MRTFB: variants seen among roughly 807,000 people sequenced by gnomAD.
The protein encoded by MRTFB is myocardin related transcription factor B, also known as myocardin-related transcription factor B.
A neutral mutation model predicts 104.2 loss-of-function variants in MRTFB; 29 were observed. The observed-to-expected ratio is 0.28, with a 90% confidence interval of 0.21 to 0.38. The LOEUF is 0.38. MRTFB is among the 10% of genes least tolerant of loss of function. The probability of loss-of-function intolerance (pLI) is 1.00; values close to 1 mark genes in which losing one functional copy is unlikely to be tolerated. For synonymous variants in MRTFB, 535 were observed against 519.5 expected, an observed-to-expected ratio of 1.03 and a Z score of -0.41; for missense variants, 1,270 against 1,341.6, an observed-to-expected ratio of 0.95 and a Z score of 0.83.
intron 3 of MRTFB, chr16:14,141,457 C>G (rs1464273982): frequency 6.6e-6 from 1 of 152,214 alleles, no homozygotes; most frequent in Non-Finnish European, 1.5e-5. Flanking sequence ...TGCAAACACT[C>G]TAAGCATGCA....
chr16:14,011,387 T>C, the MRTFB span, among the ~76,000 whole-genome samples: 1 of 152,072 alleles, frequency 6.6e-6, no homozygotes, highest in South Asian at 2.1e-4. Flanking sequence ...GGAGGATGAA[T>C]TGAGAGGAGT....
At chr16:14,072,197 C>T (rs1195512405) in intron 1 of MRTFB, among the ~76,000 whole-genome samples, 2 of 152,184 alleles carry the variant, frequency 1.3e-5, no homozygotes, top group Admixed American at 6.5e-5. Context: ...GAATCAAGGT[C>T]CCTTCTTCCC....
At chr16:13,995,023 C>CT in the MRTFB span, among the ~76,000 whole-genome samples, 21,177 of 148,938 alleles carry the variant, frequency 0.14, 1,627 homozygotes, top group Middle Eastern at 0.26. Flanking sequence ...TATTTATTTA[C>CT]TTTTTTTTTT....
chr16:14,110,577 C>T (rs1053199049), intron 2 of MRTFB, among the ~76,000 whole-genome samples: 1 of 152,160 alleles, frequency 6.6e-6, no homozygotes, highest in Non-Finnish European at 1.5e-5. Flanking sequence ...ATTCCAGGCT[C>T]TCTACCAGTA....
chr16:14,071,424 C>G (rs1310186918), intron 1 of MRTFB, 59 bp downstream of exon 1: 1 of 151,394 alleles, frequency 6.6e-6, no homozygotes, highest in Non-Finnish European at 1.5e-5. Context: ...CGGCCGAGAC[C>G]GAGGGCTGGG....
intron 2 of MRTFB, among the ~76,000 whole-genome samples, chr16:14,128,852 G>A (rs1258779765): frequency 6.6e-6 from 1 of 152,060 alleles, no homozygotes; most frequent in African/African-American, 2.4e-5. Flanking sequence ...TTTGGCATAA[G>A]TTCTAGGTTT....
chr16:14,246,630 G>T lies in MRTFB; in HGVS notation c.1370G>T (p.Ser457Ile). 6.2e-7 allele frequency: 1 copy of T among 1,614,150 alleles called. No homozygotes were observed. The highest frequency in any genetic ancestry group is 8.5e-7 in the Non-Finnish European group (1 of 1,180,026). Residue 457 changes from serine to isoleucine, a missense_variant, in exon 12 of 17, where the codon AGT (serine) becomes ATT (isoleucine). Physicochemically the swap from Ser to Ile is moderately radical, Grantham distance 142 (BLOSUM62 -2). Transcript: ENST00000571589. ...GTGTCATCATCAGCCATTGTCACCA[G>T]TAACCCAGAAGTCACTGTGGCCTTG... ...VAVSSSAIVT[S>I]NPEVTVALPV...
intron 1 of MRTFB, among the ~76,000 whole-genome samples, chr16:14,073,682 G>C (rs753888424): frequency 6.6e-6 from 1 of 152,202 alleles, no homozygotes; most frequent in Non-Finnish European, 1.5e-5. Context: ...TTAGAATGGA[G>C]TTGGGAAGCA....
chr16:14,000,727 A>G, the MRTFB span, among the ~76,000 whole-genome samples: 1 of 152,128 alleles, frequency 6.6e-6, no homozygotes, highest in Non-Finnish European at 1.5e-5. Flanking sequence ...GTGTCTCCTG[A>G]CAACCACACC....
chr16:14,055,706 A>G, the MRTFB span, among the ~76,000 whole-genome samples: 1 of 152,178 alleles, frequency 6.6e-6, no homozygotes, highest in African/African-American at 2.4e-5. Flanking sequence ...TCATATCAAC[A>G]TATCAACATG....
chr16:14,241,559 T>C (rs779463333), intron 10 of MRTFB: 2 of 152,214 alleles, frequency 1.3e-5, no homozygotes, highest in Admixed American at 6.5e-5. Context: ...CTCATTATAA[T>C]GAAAAATTAT....
chr16:14,257,932 G>A (rs1455810034), intron 15 of MRTFB, among the ~76,000 whole-genome samples, 169 bp from the exon 16 acceptor site: 1 of 152,230 alleles, frequency 6.6e-6, no homozygotes, highest in South Asian at 2.1e-4. Context: ...CAACTAACCA[G>A]CTGTACAGCT....
chr16:14,138,402 T>C (rs2037831964), intron 2 of MRTFB, among the ~76,000 whole-genome samples: 1 of 152,226 alleles, frequency 6.6e-6, no homozygotes, highest in Admixed American at 6.5e-5. Context: ...TTTAAAGAAT[T>C]TCTTGTAGTG....
intron 3 of MRTFB, among the ~76,000 whole-genome samples, chr16:14,145,724 A>G (rs904811986): frequency 6.6e-6 from 1 of 152,244 alleles, no homozygotes; most frequent in Non-Finnish European, 1.5e-5. Context: ...ATGCATATAC[A>G]GGGGATTGAG....
At chr16:14,193,036 A>G (rs1165445412) in intron 3 of MRTFB, among the ~76,000 whole-genome samples, 1 of 151,922 alleles carries the variant, frequency 6.6e-6, no homozygotes, top group Non-Finnish European at 1.5e-5. Flanking sequence ...CCCTTTACTC[A>G]GATCACATAT....
chr16:14,105,886 T>TTTCA (rs945635782), intron 2 of MRTFB, among the ~76,000 whole-genome samples: 43 of 152,220 alleles, frequency 2.8e-4, no homozygotes, highest in Admixed American at 2.2e-3. Context: ...TTGTGAAGTA[T>TTTCA]TTCAGTGGGT....
At chr16:14,173,816 A>T (rs904964479) in intron 3 of MRTFB, among the ~76,000 whole-genome samples, 1 of 152,062 alleles carries the variant, frequency 6.6e-6, no homozygotes, top group African/African-American at 2.4e-5. Flanking sequence ...ATTTTTATTG[A>T]TGTAATGGTT....
intron 3 of MRTFB, chr16:14,195,528 C>G (rs1036295226): frequency 1.0e-6 from 1 of 985,322 alleles, no homozygotes; most frequent in South Asian, 4.7e-5. Flanking sequence ...AAAGGAAAAC[C>G]GAGATACTGA....
the MRTFB span, among the ~76,000 whole-genome samples, chr16:14,023,602 CACACACACATACATATACATATACATAT>C: frequency 9.5e-4 from 90 of 94,644 alleles, no homozygotes; most frequent in Middle Eastern, 0.013. Flanking sequence ...CACACACACA[CACACACACATACATATACATATACATAT>C]ACATATACAT....
Sources: allele counts gnomAD v4.1 joint callset (sites outside exome capture counted in the v4.1 genomes callset), GRCh38; gene constraint gnomAD v4.1.1; transcripts MANE v1.5; gene names NCBI Gene and HGNC (gene_info 2026-07-23, HGNC 2026-07-21).